The following PHACTR1 variants were observed in gnomAD, a reference collection of about 807,000 sequenced individuals.
The protein encoded by PHACTR1 is phosphatase and actin regulator 1.
PHACTR1 carries 16 observed loss-of-function variants against 69.2 expected under a neutral mutation model. That is an observed-to-expected ratio of 0.23 (90% CI 0.16 to 0.35). The LOEUF is 0.35. Among genes scored for constraint, PHACTR1 ranks in the 10% least tolerant of loss-of-function variants. PHACTR1 has a pLI of 1.00. For synonymous variants in PHACTR1, 312 were observed against 284.5 expected (o/e 1.10, Z -0.97); for missense variants, 510 against 734.7 (o/e 0.69, Z 3.54).
At chr6:12,989,861 A>G (rs1000681821) in intron 4 of PHACTR1, among the ~76,000 whole-genome samples, 1 of 152,220 alleles carries the variant, frequency 6.6e-6, no homozygotes, top group Non-Finnish European at 1.5e-5. Flanking sequence ...GTGCTCAAAC[A>G]GCATATCTTT....
intron 4 of PHACTR1, among the ~76,000 whole-genome samples, chr6:12,802,142 G>GTACTTTATTATATAAAATAATATA (rs1773778329): frequency 1.4e-5 from 2 of 148,028 alleles, no homozygotes; most frequent in African/African-American, 2.5e-5. Context: ...AAAATAATAT[G>GTACTTTATTATATAAAATAATATA]TAGCTCAATT....
At chr6:13,250,439 C>T (rs1774228217) in intron 10 of PHACTR1, among the ~76,000 whole-genome samples, 1 of 152,212 alleles carries the variant, frequency 6.6e-6, no homozygotes, top group South Asian at 2.1e-4. Flanking sequence ...GGAATACGGT[C>T]CAGTTTTTCA....
At chr6:12,875,063 G>C (rs1170894756) in intron 4 of PHACTR1, among the ~76,000 whole-genome samples, 1 of 152,134 alleles carries the variant, frequency 6.6e-6, no homozygotes, top group East Asian at 1.9e-4. Flanking sequence ...AATAAATGAG[G>C]CTTATGTAAA....
intron 1 of PHACTR1, 100 bp from the exon 2 acceptor site, chr6:12,717,409 T>C (rs561722105): frequency 3.3e-5 from 5 of 152,158 alleles, no homozygotes; most frequent in African/African-American, 1.2e-4. Flanking sequence ...GCCTAAGAGA[T>C]AGGGGGCTGG....
intron 8 of PHACTR1, among the ~76,000 whole-genome samples, chr6:13,219,620 C>G (rs115355199): frequency 6.6e-6 from 1 of 152,166 alleles, no homozygotes. Flanking sequence ...TACTCACCCC[C>G]AGCCATGTGC....
At chr6:12,858,321 G>T (rs890224792) in intron 4 of PHACTR1, among the ~76,000 whole-genome samples, 1 of 152,130 alleles carries the variant, frequency 6.6e-6, no homozygotes, top group Non-Finnish European at 1.5e-5. Flanking sequence ...CTCTCAAAAG[G>T]CTGAAATGTA....
At chr6:12,782,287 G>A (rs967397916) in intron 4 of PHACTR1, among the ~76,000 whole-genome samples, 2 of 152,094 alleles carry the variant, frequency 1.3e-5, no homozygotes, top group South Asian at 2.1e-4. Flanking sequence ...GGAACATGAC[G>A]CCTTACATAG....
chr6:13,026,284 A>G (rs1801685150), intron 4 of PHACTR1, among the ~76,000 whole-genome samples: 1 of 152,222 alleles, frequency 6.6e-6, no homozygotes, highest in African/African-American at 2.4e-5. Flanking sequence ...TTAGGAAAAC[A>G]GAGCGCCCCT....
At chr6:13,196,424 T>C (rs1764432886) in intron 7 of PHACTR1, 1 of 165,242 alleles carries the variant, frequency 6.1e-6, no homozygotes, top group Non-Finnish European at 1.3e-5. Flanking sequence ...TTCTTTCTTT[T>C]TTTTTTTGTT....
chr6:13,017,771 T>C (rs1800400622), intron 4 of PHACTR1, among the ~76,000 whole-genome samples: 1 of 152,060 alleles, frequency 6.6e-6, no homozygotes, highest in South Asian at 2.1e-4. Flanking sequence ...TATTAAGATG[T>C]AATTTCAATA....
intron 4 of PHACTR1, among the ~76,000 whole-genome samples, chr6:12,765,824 T>A (rs930768586): frequency 6.6e-6 from 1 of 152,226 alleles, no homozygotes; most frequent in Non-Finnish European, 1.5e-5. Flanking sequence ...TACCATTAGC[T>A]TTTCCTCATC....
chr6:12,768,109 CTTTTTTTTTTT>C (rs781107897), intron 4 of PHACTR1, among the ~76,000 whole-genome samples: 46 of 107,588 alleles, frequency 4.3e-4, no homozygotes, highest in African/African-American at 1.4e-3. Context: ...CTATCAAATC[CTTTTTTTTTTT>C]TTTTTTTTTT....
chr6:13,266,522 T>C (rs1373717909), intron 10 of PHACTR1: 1 of 152,300 alleles, frequency 6.6e-6, no homozygotes, highest in African/African-American at 2.4e-5. Flanking sequence ...TGTGAAGAAA[T>C]ACCTGAGACT....
chr6:13,264,914 C>T (rs1776418366), intron 10 of PHACTR1: 1 of 151,792 alleles, frequency 6.6e-6, no homozygotes, highest in South Asian at 2.1e-4. Flanking sequence ...CCCAGCTGCT[C>T]AGGAGGCTGA....
chr6:13,037,464 G>C (rs1490461891), intron 4 of PHACTR1, among the ~76,000 whole-genome samples: 1 of 152,152 alleles, frequency 6.6e-6, no homozygotes, highest in African/African-American at 2.4e-5. Flanking sequence ...AAGGAAGATG[G>C]ACAGATAAGG....
At chr6:13,010,929 C>G (rs1285009655) in intron 4 of PHACTR1, among the ~76,000 whole-genome samples, 1 of 152,162 alleles carries the variant, frequency 6.6e-6, no homozygotes, top group Non-Finnish European at 1.5e-5. Flanking sequence ...GGACAGTGCG[C>G]ACATCAGCCC....
At chr6:12,835,290 C>A (rs1051269831) in intron 4 of PHACTR1, among the ~76,000 whole-genome samples, 12 of 151,948 alleles carry the variant, frequency 7.9e-5, no homozygotes, top group African/African-American at 2.4e-4. Flanking sequence ...TGAGGTTTTT[C>A]TGGGGACACC....
At chr6:12,855,797 A>C (rs761257787) in intron 4 of PHACTR1, among the ~76,000 whole-genome samples, 7 of 152,228 alleles carry the variant, frequency 4.6e-5, no homozygotes, top group Non-Finnish European at 8.8e-5. Flanking sequence ...ATCTAAAATA[A>C]AATGGAAAGT....
At chr6:13,062,060 G>A (rs1807763110) in intron 5 of PHACTR1, among the ~76,000 whole-genome samples, 1 of 152,176 alleles carries the variant, frequency 6.6e-6, no homozygotes, top group Non-Finnish European at 1.5e-5. Context: ...GTCTGCTTCT[G>A]TCAGCTTCAC....
Sources: gnomAD v4.1 joint callset for allele counts (sites outside exome capture counted in the v4.1 genomes callset) on GRCh38, gnomAD v4.1.1 for gene constraint, MANE v1.5 for transcripts, NCBI Gene and HGNC (gene_info 2026-07-23, HGNC 2026-07-21) for gene names.